TNR: variants seen among roughly 807,000 people sequenced by gnomAD.
The protein encoded by TNR is tenascin-R.
In TNR, 45 loss-of-function variants were observed where a neutral mutation model predicts 150.4. That is an observed-to-expected ratio of 0.30 (90% CI 0.24 to 0.38). The LOEUF (loss-of-function observed/expected upper bound fraction) is 0.38. Ranked by LOEUF, TNR falls within the 10% of genes least tolerant of loss-of-function variation. TNR has a pLI of 1.00. For synonymous variants in TNR, 687 were observed against 678.4 expected, an observed-to-expected ratio of 1.01 and a Z score of -0.20; for missense variants, 1,544 against 1,759.1, an observed-to-expected ratio of 0.88 and a Z score of 2.19.
intron 1 of TNR, among the ~76,000 whole-genome samples, chr1:175,586,386 C>T (rs776097222): frequency 6.6e-6 from 1 of 152,086 alleles, no homozygotes; most frequent in African/African-American, 2.4e-5. Context: ...CTGCAACCTC[C>T]GCCTCCCAGG....
At chr1:175,394,210 G>A (rs949837589) in intron 5 of TNR, among the ~76,000 whole-genome samples, 19 of 150,656 alleles carry the variant, frequency 1.3e-4, no homozygotes, top group Non-Finnish European at 2.1e-4. Flanking sequence ...TACTAATGTG[G>A]TAGATCTTGG....
chr1:175,700,102 G>A (rs944937130), intron 1 of TNR, among the ~76,000 whole-genome samples: 4 of 151,328 alleles, frequency 2.6e-5, no homozygotes, highest in Admixed American at 1.3e-4. Context: ...GAGGGAGCAC[G>A]TTGGATGGAA....
At chr1:175,543,105 G>C (rs1193358162) in intron 1 of TNR, among the ~76,000 whole-genome samples, 1 of 152,222 alleles carries the variant, frequency 6.6e-6, no homozygotes, top group Admixed American at 6.5e-5. Context: ...ATTTTGCACC[G>C]GGCCCTGCAA....
intron 1 of TNR, among the ~76,000 whole-genome samples, chr1:175,626,204 G>A (rs761181807): frequency 5.9e-5 from 9 of 152,112 alleles, no homozygotes; most frequent in African/African-American, 1.2e-4. Flanking sequence ...TAAATTGCCC[G>A]GTCTCGGGTA....
At chr1:175,624,643 T>C (rs12028692) in intron 1 of TNR, among the ~76,000 whole-genome samples, 72,218 of 151,980 alleles carry the variant, frequency 0.48, 18,359 homozygotes, top group African/African-American at 0.68. Flanking sequence ...GCCCTGCTGA[T>C]GCCTTGATTT....
At chr1:175,723,823 A>G (rs1167825354) in intron 1 of TNR, among the ~76,000 whole-genome samples, 2 of 152,198 alleles carry the variant, frequency 1.3e-5, no homozygotes, top group Non-Finnish European at 2.9e-5. Context: ...GTGAGCCAAG[A>G]TCACACCACT....
intron 1 of TNR, among the ~76,000 whole-genome samples, chr1:175,715,960 G>T (rs775656483): frequency 2.0e-5 from 3 of 152,222 alleles, no homozygotes; most frequent in Non-Finnish European, 4.4e-5. Context: ...GTCTGAGCAC[G>T]GAGCTATTGA....
At chr1:175,695,887 T>C (rs540450483) in intron 1 of TNR, among the ~76,000 whole-genome samples, 91 of 152,354 alleles carry the variant, frequency 6.0e-4, no homozygotes, top group African/African-American at 2.1e-3. Flanking sequence ...TGTTTTTACT[T>C]ATCTCTGTGT....
chr1:175,331,675 G>T (rs922437143), intron 20 of TNR, among the ~76,000 whole-genome samples: 2 of 152,280 alleles, frequency 1.3e-5, no homozygotes, highest in Non-Finnish European at 2.9e-5. Flanking sequence ...TGTGTTGCTG[G>T]TAATTTCTCT....
At chr1:175,719,146 A>G (rs1214375281) in intron 1 of TNR, among the ~76,000 whole-genome samples, 1 of 152,148 alleles carries the variant, frequency 6.6e-6, no homozygotes, top group Non-Finnish European at 1.5e-5. Context: ...CCCTCCCTAC[A>G]GAAGCATGGG....
At chr1:175,357,745 T>C (rs1651399173) in intron 15 of TNR, among the ~76,000 whole-genome samples, 2 of 152,260 alleles carry the variant, frequency 1.3e-5, no homozygotes, top group Non-Finnish European at 2.9e-5. Context: ...CATGGTGTTC[T>C]GTGCATGTCT....
chr1:175,723,403 T>C (rs984654311), intron 1 of TNR, among the ~76,000 whole-genome samples: 1 of 152,130 alleles, frequency 6.6e-6, no homozygotes, highest in Non-Finnish European at 1.5e-5. Flanking sequence ...TCTCCAAATA[T>C]GTATGGAGGA....
chr1:175,520,965 G>A (rs1659613616), intron 2 of TNR, among the ~76,000 whole-genome samples: 1 of 152,184 alleles, frequency 6.6e-6, no homozygotes, highest in Non-Finnish European at 1.5e-5. Flanking sequence ...CTACCTTTCT[G>A]AAGGGAAATC....
chr1:175,519,927 C>G (rs1274289273), intron 2 of TNR, among the ~76,000 whole-genome samples: 1 of 152,158 alleles, frequency 6.6e-6, no homozygotes, highest in Non-Finnish European at 1.5e-5. Context: ...TGTGAAGGAG[C>G]CCTGGACTCA....
chr1:175,626,824 T>A (rs1175176873), intron 1 of TNR, among the ~76,000 whole-genome samples: 1 of 152,158 alleles, frequency 6.6e-6, no homozygotes, highest in Non-Finnish European at 1.5e-5. Flanking sequence ...GATCTTGAGA[T>A]GAAATCATGC....
intron 18 of TNR, among the ~76,000 whole-genome samples, chr1:175,353,147 T>C (rs913371449): frequency 7.9e-5 from 12 of 151,398 alleles, no homozygotes; most frequent in African/African-American, 2.7e-4. Flanking sequence ...AGAGGCACAG[T>C]GGGAGGTGGT....
intron 1 of TNR, among the ~76,000 whole-genome samples, chr1:175,715,306 G>A (rs1667125356): frequency 6.6e-6 from 1 of 152,092 alleles, no homozygotes. Flanking sequence ...TTTTTATTTA[G>A]GGTATGAAGG....
intron 1 of TNR, among the ~76,000 whole-genome samples, chr1:175,568,376 G>A (rs549946097): frequency 2.9e-4 from 44 of 151,284 alleles, no homozygotes; most frequent in Non-Finnish European, 1.0e-4. Context: ...AAAGAGCCTC[G>A]GGCCCATGAA....
intron 22 of TNR, 146 bp downstream of exon 22, chr1:175,324,210 A>T: frequency 1.1e-6 from 1 of 951,324 alleles, no homozygotes; most frequent in Non-Finnish European, 1.5e-6. Context: ...ATCTTATCCC[A>T]TTGTCTGCAT....
Sources: allele counts gnomAD v4.1 joint callset (sites outside exome capture counted in the v4.1 genomes callset), GRCh38; gene constraint gnomAD v4.1.1; transcripts MANE v1.5; gene names NCBI Gene and HGNC (gene_info 2026-07-23, HGNC 2026-07-21).